Variants in FAM184B observed in about 807,000 individuals in gnomAD.
FAM184B encodes protein FAM184B.
In FAM184B, 111 loss-of-function variants were observed where a neutral mutation model predicts 135.9. The ratio of observed to expected loss-of-function variants is 0.82; its 90% confidence interval spans 0.70 to 0.96. The LOEUF is 0.96. FAM184B is among the 40% of genes least tolerant of loss of function. The pLI is 0.00. For missense variants in FAM184B, 1,375 were observed against 1,323.9 expected, an observed-to-expected ratio of 1.04 and a Z score of -0.60; for synonymous variants, 552 against 524.8, an observed-to-expected ratio of 1.05 and a Z score of -0.71.
At chr4:17,725,683 T>C (rs1182811711) in intron 1 of FAM184B, among the ~76,000 whole-genome samples, 1 of 152,154 alleles carries the variant, frequency 6.6e-6, no homozygotes, top group African/African-American at 2.4e-5. Flanking sequence ...CTTGGCTGGG[T>C]TCCCTGAGCC....
At chr4:17,644,252 T>TA (rs1199503207) in intron 12 of FAM184B, among the ~76,000 whole-genome samples, 1 of 152,196 alleles carries the variant, frequency 6.6e-6, no homozygotes, top group Non-Finnish European at 1.5e-5. Context: ...CTGGTCATCC[T>TA]AATACCAAAG....
At chr4:17,669,470 A>C (rs971530403) in intron 7 of FAM184B, among the ~76,000 whole-genome samples, 1 of 152,230 alleles carries the variant, frequency 6.6e-6, no homozygotes, top group Non-Finnish European at 1.5e-5. Flanking sequence ...TACATAAATG[A>C]TGTATGATTA....
chr4:17,653,167 G>A (rs1028662580), intron 10 of FAM184B, among the ~76,000 whole-genome samples, 184 bp from the exon 11 acceptor site: 2 of 152,186 alleles, frequency 1.3e-5, no homozygotes, highest in South Asian at 2.1e-4. Context: ...TGCACCAGGT[G>A]AACCACCTCC....
intron 1 of FAM184B, among the ~76,000 whole-genome samples, chr4:17,728,945 G>A (rs1040125390): frequency 1.8e-4 from 27 of 152,154 alleles, no homozygotes; most frequent in Non-Finnish European, 2.9e-4. Context: ...GAAGCAGGGC[G>A]AGGCATTGCC....
intron 12 of FAM184B, among the ~76,000 whole-genome samples, chr4:17,644,843 T>A (rs1391543248): frequency 6.6e-6 from 1 of 152,200 alleles, no homozygotes; most frequent in Non-Finnish European, 1.5e-5. Flanking sequence ...CCCCATTGTC[T>A]CAGCCCAAAA....
chr4:17,651,445 G>A (rs1198156463), intron 11 of FAM184B, among the ~76,000 whole-genome samples: 1 of 142,718 alleles, frequency 7.0e-6, no homozygotes, highest in African/African-American at 2.6e-5. Flanking sequence ...GGCTGAGGCA[G>A]GAGAATGGTG....
At chr4:17,684,209 AATAAT>A (rs1716521028) in intron 7 of FAM184B, among the ~76,000 whole-genome samples, 1 of 125,556 alleles carries the variant, frequency 8.0e-6, no homozygotes, top group Non-Finnish European at 1.7e-5. Flanking sequence ...TATAAAAAAT[AATAAT>A]ATAATTACTA....
intron 11 of FAM184B, 36 bp from the exon 12 acceptor site, chr4:17,647,827 G>T: frequency 1.3e-6 from 2 of 1,533,948 alleles, no homozygotes. Flanking sequence ...TTAGGCGTTG[G>T]GTCTAGGCTG....
intron 1 of FAM184B, among the ~76,000 whole-genome samples, chr4:17,719,481 A>C (rs981839659): frequency 6.6e-6 from 1 of 152,340 alleles, no homozygotes; most frequent in Middle Eastern, 3.4e-3. Context: ...CTTGGAAAGC[A>C]AGACCACAGA....
Position 17,731,106 on chromosome 4 carries a change from C to T in FAM184B, c.142-21462G>A, listed in dbSNP as rs1288449986. 2.0e-5 allele frequency among the ~76,000 whole-genome samples: 3 copies of T among 152,248 alleles called. No homozygotes were observed. In the South Asian group the frequency reaches 6.2e-4, roughly 32 times the overall value. ...TCATAAGTGAAGGAGAAATAAAATACTTTACAGACAACCAAATGCTGAGAG... is the reference window on the plus strand; with the variant it reads ...TCATAAGTGAAGGAGAAATAAAATATTTTACAGACAACCAAATGCTGAGAG... On this transcript the variant is annotated intron_variant, in intron 1 of 17. Transcript: ENST00000265018.
At chr4:17,695,209 A>G (rs1226749496) in intron 5 of FAM184B, among the ~76,000 whole-genome samples, 2 of 149,990 alleles carry the variant, frequency 1.3e-5, no homozygotes, top group South Asian at 2.1e-4. Flanking sequence ...CCCAGACTGG[A>G]TGGAGTACAA....
intron 1 of FAM184B, among the ~76,000 whole-genome samples, chr4:17,778,947 C>T (rs1299673357): frequency 6.6e-6 from 1 of 152,086 alleles, no homozygotes; most frequent in East Asian, 1.9e-4. Flanking sequence ...GTAAAATATA[C>T]AAAGTTCTTT....
At chr4:17,714,761 C>A (rs143440963) in intron 1 of FAM184B, among the ~76,000 whole-genome samples, 2 of 152,204 alleles carry the variant, frequency 1.3e-5, no homozygotes, top group East Asian at 3.9e-4. Flanking sequence ...AGGTGCCCAC[C>A]CAAAATTAAC....
At chr4:17,651,605 T>A (rs1715620384) in intron 11 of FAM184B, among the ~76,000 whole-genome samples, 1 of 149,870 alleles carries the variant, frequency 6.7e-6, no homozygotes, top group South Asian at 2.1e-4. Flanking sequence ...AGGGAACACT[T>A]AGATAGACTT....
At chr4:17,665,002 G>C (rs1716012890) in intron 7 of FAM184B, among the ~76,000 whole-genome samples, 2 of 152,190 alleles carry the variant, frequency 1.3e-5, no homozygotes, top group African/African-American at 2.4e-5. Context: ...TATGCAACCG[G>C]ATAATAGGAC....
chr4:17,732,321 G>A (rs1186242628), intron 1 of FAM184B, among the ~76,000 whole-genome samples: 2 of 152,132 alleles, frequency 1.3e-5, no homozygotes, highest in Non-Finnish European at 2.9e-5. Context: ...CAGAAGGCAA[G>A]AAATAACTAA....
At chr4:17,695,508 G>C (rs1401488135) in intron 5 of FAM184B, among the ~76,000 whole-genome samples, 3 of 152,148 alleles carry the variant, frequency 2.0e-5, no homozygotes, top group Non-Finnish European at 4.4e-5. Flanking sequence ...TGTGGGTGGA[G>C]GCATTGGGTG....
intron 1 of FAM184B, among the ~76,000 whole-genome samples, chr4:17,711,004 T>A (rs1717254928): frequency 6.6e-6 from 1 of 152,090 alleles, no homozygotes; most frequent in Non-Finnish European, 1.5e-5. Context: ...GCTGTTTGCT[T>A]GATGAGAGAT....
At chr4:17,749,596 T>C (rs548307231) in intron 1 of FAM184B, among the ~76,000 whole-genome samples, 9 of 152,350 alleles carry the variant, frequency 5.9e-5, no homozygotes, top group African/African-American at 2.2e-4. Context: ...GTGCCATCTA[T>C]ATGGCCTGCA....
Sources: gnomAD v4.1 joint callset for allele counts (sites outside exome capture counted in the v4.1 genomes callset) on GRCh38, gnomAD v4.1.1 for gene constraint, MANE v1.5 for transcripts, NCBI Gene and HGNC (gene_info 2026-07-23, HGNC 2026-07-21) for gene names.